CP: variants seen among roughly 807,000 people sequenced by gnomAD.
The protein encoded by CP is caeruloplasmin.
A neutral mutation model predicts 122.4 loss-of-function variants in CP; 64 were observed. That is an observed-to-expected ratio of 0.52 (90% CI 0.43 to 0.64). The LOEUF (loss-of-function observed/expected upper bound fraction) is 0.64. CP is among the 30% of genes least tolerant of loss of function. The pLI is 0.00. For missense variants in CP, 1,167 were observed against 1,284.4 expected, an observed-to-expected ratio of 0.91 and a Z score of 1.40; for synonymous variants, 440 against 436.4, an observed-to-expected ratio of 1.01 and a Z score of -0.10.
At chr3:149,167,609 C>T (rs1003717261), downstream of CP, among the ~76,000 whole-genome samples, 2 of 152,048 alleles carry the variant, frequency 1.3e-5, no homozygotes, top group African/African-American at 4.8e-5. Context: ...CTTCTTGCCA[C>T]ATAGGAGATG....
rs774697714 is a variant in CP at position 149,162,618 on chromosome 3, A to T, written c.*271T>A. 9.5e-6 allele frequency: 14 copies of T among 1,473,280 alleles called. No individual in the cohort carries two copies. The South Asian group carries it at 1.4e-4, about 14-fold the overall frequency. The allele number at this position is 1,473,280 out of a possible 1,614,324, so 91.3% of individuals were successfully genotyped here. On this transcript the variant is annotated 3_prime_UTR_variant, in exon 6 of 6. Coordinates refer to the CP transcript ENST00000479771. ...TGCGTGGCCCATGTGATGCTGTGATATTCAGCCCAGCTGTCGCTTTATCAG... is the reference window on the plus strand; with the variant it reads ...TGCGTGGCCCATGTGATGCTGTGATTTTCAGCCCAGCTGTCGCTTTATCAG...
chr3:149,178,809 T>C (rs1171142118), intron 15 of CP, among the ~76,000 whole-genome samples, 178 bp from the exon 16 acceptor site: 4 of 152,170 alleles, frequency 2.6e-5, no homozygotes, highest in African/African-American at 9.7e-5. Flanking sequence ...ATTGGAACAA[T>C]GGTGAGTAGT....
chr3:149,162,490 A>G (rs759804645), exon 6 of CP: 22 of 887,000 alleles, frequency 2.5e-5, no homozygotes, highest in East Asian at 5.3e-5. Context: ...TTAAAAGACT[A>G]TATCTGTAGA....
At chr3:149,182,190 G>A in intron 13 of CP, 57 bp from the exon 14 acceptor site, 11 of 1,585,992 alleles carry the variant, frequency 6.9e-6, no homozygotes, top group East Asian at 2.2e-5. Flanking sequence ...AGTAATAAAA[G>A]CAAAGATCAG....
chr3:149,172,346 A>G (rs1725086585), downstream of CP: 6 of 703,908 alleles, frequency 8.5e-6, no homozygotes, highest in Admixed American at 4.2e-5. Flanking sequence ...ACACACACAC[A>G]CACACACACA....
chr3:149,176,676 C>G (rs1475084597), intron 17 of CP: 1 of 406,772 alleles, frequency 2.5e-6, no homozygotes, highest in Non-Finnish European at 4.5e-6. Context: ...CCTCCTGTAC[C>G]TTGATTCTGG....
exon 6 of CP, chr3:149,162,648 A>C: frequency 6.3e-7 from 1 of 1,594,888 alleles, no homozygotes; most frequent in East Asian, 2.2e-5. Flanking sequence ...TATCAGTGCT[A>C]TATTTATCTG....
chr3:149,172,318 TCACACACACACACACACACACACA>T, downstream of CP: 4 of 570,776 alleles, frequency 7.0e-6, no homozygotes, highest in East Asian at 1.5e-4. Context: ...ATTTTATATA[TCACACACACACACACACACACACA>T]CACACACACA....
At chr3:149,165,515 A>G (rs572632884) in intron 5 of CP, among the ~76,000 whole-genome samples, 1 of 151,826 alleles carries the variant, frequency 6.6e-6, no homozygotes, top group East Asian at 1.9e-4. Flanking sequence ...GTCTCACTCT[A>G]TTGCCCAGAT....
At chr3:149,214,727 C>G (rs1460759311) in intron 1 of CP, among the ~76,000 whole-genome samples, 1 of 152,108 alleles carries the variant, frequency 6.6e-6, no homozygotes, top group African/African-American at 2.4e-5. Context: ...GGGAAAAGGG[C>G]AAGACACTGG....
chr3:149,181,973 T>TGCGGGGGGGGG, intron 14 of CP, 32 bp downstream of exon 14: 9 of 1,375,574 alleles, frequency 6.5e-6, no homozygotes, highest in Non-Finnish European at 7.2e-6. Flanking sequence ...CCTGTTAAAA[T>TGCGGGGGGGGG]GCACCACCCC....
At chr3:149,170,321 C>G (rs1724849210), downstream of CP, 1 of 152,184 alleles carries the variant, frequency 6.6e-6, no homozygotes, top group African/African-American at 2.4e-5. Context: ...TTCTGAGATG[C>G]TACTTACAGG....
At chr3:149,209,419 C>T in intron 3 of CP, 35 bp from the exon 4 acceptor site, 1 of 1,579,846 alleles carries the variant, frequency 6.3e-7, no homozygotes, top group Non-Finnish European at 8.7e-7. Flanking sequence ...CAAGACTAAA[C>T]TTTTAGCATG....
chr3:149,186,094 T>A (rs923325566), intron 11 of CP: 8 of 222,456 alleles, frequency 3.6e-5, no homozygotes, highest in Non-Finnish European at 6.3e-5. Flanking sequence ...TGAATTTGCA[T>A]GGCTACAATG....
intron 6 of CP, among the ~76,000 whole-genome samples, chr3:149,204,430 T>A (rs570851748): frequency 3.3e-5 from 5 of 152,320 alleles, no homozygotes; most frequent in African/African-American, 9.6e-5. Flanking sequence ...AAGGCAGTAC[T>A]TGATGAGGAG....
intron 10 of CP, among the ~76,000 whole-genome samples, chr3:149,187,294 G>A (rs920983511): frequency 6.6e-6 from 1 of 152,022 alleles, no homozygotes; most frequent in Non-Finnish European, 1.5e-5. Flanking sequence ...TGGGTAGCGT[G>A]ACTAGTACCT....
chr3:149,206,900 A>T (rs1727764608), intron 5 of CP, among the ~76,000 whole-genome samples: 1 of 152,208 alleles, frequency 6.6e-6, no homozygotes, highest in South Asian at 2.1e-4. Flanking sequence ...ATTAAAAACT[A>T]ATATTTTTCA....
chr3:149,169,037 A>AAGTG (rs1724713134), downstream of CP, among the ~76,000 whole-genome samples: 1 of 143,138 alleles, frequency 7.0e-6, no homozygotes, highest in African/African-American at 2.9e-5. Flanking sequence ...TTGTGTGCAT[A>AAGTG]CGTGTGTGTG....
At chr3:149,169,038 CGT>C (rs34076994), downstream of CP, among the ~76,000 whole-genome samples, 19 of 149,468 alleles carry the variant, frequency 1.3e-4, no homozygotes, top group East Asian at 2.0e-4. Flanking sequence ...TGTGTGCATA[CGT>C]GTGTGTGTGT....
Sources: allele counts gnomAD v4.1 joint callset (sites outside exome capture counted in the v4.1 genomes callset), GRCh38; gene constraint gnomAD v4.1.1; transcripts MANE v1.5; gene names NCBI Gene and HGNC (gene_info 2026-07-23, HGNC 2026-07-21).